SLC35E4: variants seen among roughly 807,000 people sequenced by gnomAD.
The protein encoded by SLC35E4 is solute carrier family 35, member E4.
In SLC35E4, 15 loss-of-function variants were observed where a neutral mutation model predicts 19.3. The observed-to-expected ratio is 0.78, with a 90% CI of 0.52 to 1.20. SLC35E4 has a LOEUF of 1.20. SLC35E4 is among the 50% of genes most tolerant of loss of function. SLC35E4 has a pLI of 0.00. For synonymous variants in SLC35E4, 219 were observed against 219.9 expected (o/e 1.00, Z 0.04); for missense variants, 406 against 472.3 (o/e 0.86, Z 1.30).
chr22:30,658,622 C>T (rs2088395061), intron 2 of SLC35E4, among the ~76,000 whole-genome samples: 2 of 151,800 alleles, frequency 1.3e-5, no homozygotes, highest in South Asian at 2.1e-4. Context: ...GCTAAAGGGT[C>T]AGGAAAATGA....
intron 1 of SLC35E4, among the ~76,000 whole-genome samples, chr22:30,644,465 G>C (rs568354241): frequency 6.6e-6 from 1 of 152,282 alleles, no homozygotes; most frequent in East Asian, 1.9e-4. Flanking sequence ...TTTCAGCCAG[G>C]CGCAATGGCT....
downstream of SLC35E4, chr22:30,663,521 C>T (rs2088545911): frequency 6.2e-7 from 1 of 1,614,186 alleles, no homozygotes; most frequent in Non-Finnish European, 8.5e-7. Context: ...GCACAGTGTT[C>T]TTGCCAAACA....
Position 30,646,586 on chromosome 22 carries a change from G to T in SLC35E4, c.620-12G>T. ...GTCCTTCTGGGTGCTCATGGCGGTT[G>T]TCCTGTTGCAGGTGCCCTGCTGCAG... On this transcript the variant is annotated splice_polypyrimidine_tract_variant and intron_variant, in intron 1 of 1. Transcript: ENST00000343605. 6.3e-7 allele frequency: 1 copy of T among 1,586,914 alleles called. No homozygotes were observed.
chr22:30,651,395 GTGTGTATATATA>G (rs1372205296), downstream of SLC35E4, among the ~76,000 whole-genome samples: 51 of 54,042 alleles, frequency 9.4e-4, no homozygotes, highest in East Asian at 1.7e-3. Context: ...GTGTGTGTGT[GTGTGTATATATA>G]TATATATATA....
At position 30,636,308 on chromosome 22, in the gene SLC35E4, C is replaced by A; in HGVS notation, c.-143C>A. The A allele has an allele frequency of 8.4e-7, 1 of 1,187,760 alleles. No homozygotes were observed. The highest frequency in any genetic ancestry group is 1.1e-6 in the Non-Finnish European group (1 of 880,250). The allele number at this position is 1,187,760 out of a possible 1,614,324, so 73.6% of individuals were successfully genotyped here. On this transcript the variant is annotated 5_prime_UTR_variant, in exon 1 of 2. Transcript: ENST00000343605. ...AGACATCGCTGGCACAGGCCTGGCA[C>A]AAGTAAGCAGTGTCCTCACCTGTCT...
chr22:30,668,231 A>T (rs762572876), downstream of SLC35E4: 4 of 153,268 alleles, frequency 2.6e-5, no homozygotes, highest in Non-Finnish European at 4.4e-5. Flanking sequence ...GCCGCCGCTA[A>T]GTAATCGGCG....
intron 1 of SLC35E4, among the ~76,000 whole-genome samples, chr22:30,643,252 C>T (rs1569058500): frequency 6.6e-6 from 1 of 152,176 alleles, no homozygotes; most frequent in Non-Finnish European, 1.5e-5. Context: ...ACAGAGCAGG[C>T]GGACTCAACC....
At chr22:30,660,487 A>T (rs998646633) in intron 2 of SLC35E4, among the ~76,000 whole-genome samples, 2 of 152,150 alleles carry the variant, frequency 1.3e-5, no homozygotes, top group Non-Finnish European at 2.9e-5. Context: ...AAAATTTTTT[A>T]AAAAATGAAT....
intron 1 of SLC35E4, among the ~76,000 whole-genome samples, chr22:30,638,185 T>G (rs1226298781): frequency 6.7e-6 from 1 of 149,036 alleles, no homozygotes; most frequent in African/African-American, 2.5e-5. Context: ...GCCAACATGG[T>G]GAAACCCTGT....
At chr22:30,654,222 G>C (rs1278880277) in intron 2 of SLC35E4, 1 of 355,156 alleles carries the variant, frequency 2.8e-6, no homozygotes, top group East Asian at 8.3e-5. Context: ...CTGACCTCCT[G>C]ATCTGCCCGC....
chr22:30,663,132 T>C (rs1569070195), exon 3 of SLC35E4: 3 of 300,140 alleles, frequency 1.0e-5, no homozygotes, highest in African/African-American at 4.3e-5. Context: ...GGCTGCAGGA[T>C]TCCAGGCCTG....
intron 1 of SLC35E4, among the ~76,000 whole-genome samples, chr22:30,638,155 A>G (rs1231281047): frequency 6.6e-6 from 1 of 151,098 alleles, no homozygotes; most frequent in Non-Finnish European, 1.5e-5. Context: ...TCTTGAGACC[A>G]GGAGTTCGAG....
At chr22:30,645,190 C>T (rs1387866053) in intron 1 of SLC35E4, among the ~76,000 whole-genome samples, 1 of 152,090 alleles carries the variant, frequency 6.6e-6, no homozygotes, top group Non-Finnish European at 1.5e-5. Context: ...GAGCTGGGAC[C>T]CTCTGCTGGC....
downstream of SLC35E4, among the ~76,000 whole-genome samples, chr22:30,651,399 G>GTGTGTGTGTA (rs1318231260): frequency 3.3e-5 from 2 of 61,374 alleles, no homozygotes; most frequent in African/African-American, 1.1e-4. Flanking sequence ...GTGTGTGTGT[G>GTGTGTGTGTA]TATATATATA....
Position 30,639,489 on chromosome 22 carries a change from G to A in SLC35E4, c.619+2420G>A, listed in dbSNP as rs557238105. On this transcript the variant is annotated intron_variant, in intron 1 of 1. Transcript: ENST00000343605. ...CCAGTCTGACCAAAATTTATTAGGC[G>A]GGAATTTCCTCGTCCTAATAAGCCT... Among the ~76,000 whole-genome samples, 49 of 152,176 alleles carry A rather than the reference G, an allele frequency of 3.2e-4. 1 individual carries two copies. Among genetic ancestry groups the A allele is most frequent in the African/African-American group, 9.6e-4 (40 of 41,520 alleles).
chr22:30,657,322 G>A (rs929121000), intron 2 of SLC35E4, among the ~76,000 whole-genome samples: 3 of 151,646 alleles, frequency 2.0e-5, no homozygotes, highest in Non-Finnish European at 4.4e-5. Flanking sequence ...AGCCGGGCGT[G>A]GGGGCGGGCA....
chr22:30,649,909 C>A (rs2088182749), downstream of SLC35E4, among the ~76,000 whole-genome samples: 2 of 149,374 alleles, frequency 1.3e-5, 1 homozygote, highest in Non-Finnish European at 3.0e-5. Flanking sequence ...TGTGTGTGAC[C>A]TGGGAGCTGG....
At chr22:30,662,030 A>AAAT (rs1555900941) in intron 2 of SLC35E4, 1 of 132,196 alleles carries the variant, frequency 7.6e-6, no homozygotes, top group Non-Finnish European at 1.6e-5. Context: ...GACTTAAACC[A>AAAT]TTTTTTTTTT....
intron 2 of SLC35E4, chr22:30,653,793 T>C (rs921018089): frequency 6.6e-5 from 10 of 152,224 alleles, no homozygotes; most frequent in Non-Finnish European, 1.0e-4. Context: ...GAGCCCAAAA[T>C]CAATCAAGCC....
Sources: allele counts gnomAD v4.1 joint callset (sites outside exome capture counted in the v4.1 genomes callset), GRCh38; gene constraint gnomAD v4.1.1; transcripts MANE v1.5; gene names NCBI Gene and HGNC (gene_info 2026-07-23, HGNC 2026-07-21).